Variants in ADAMTSL1 observed in about 807,000 individuals in gnomAD.
ADAMTSL1 encodes the protein ADAMTS like 1.
ADAMTSL1 carries 126 observed loss-of-function variants against 201.8 expected under a neutral mutation model. The observed-to-expected ratio is 0.62, with a 90% CI of 0.54 to 0.72. The LOEUF is 0.72. Among genes scored for constraint, ADAMTSL1 ranks in the 30% least tolerant of loss-of-function variants. The pLI, the probability that ADAMTSL1 is intolerant of heterozygous loss-of-function variation, is 0.00. For synonymous variants in ADAMTSL1, 1,121 were observed against 903.4 expected (o/e 1.24, Z -4.32); for missense variants, 2,679 against 2,277.8 (o/e 1.18, Z -3.59).
chr9:18,223,187 T>A (rs1391078912), intron 2 of ADAMTSL1, among the ~76,000 whole-genome samples: 1 of 152,126 alleles, frequency 6.6e-6, no homozygotes, highest in African/African-American at 2.4e-5. Context: ...AAACCCAACA[T>A]TCTAAATGCC....
intron 1 of ADAMTSL1, among the ~76,000 whole-genome samples, chr9:18,114,687 G>C (rs1427091641): frequency 6.6e-6 from 1 of 152,112 alleles, no homozygotes; most frequent in African/African-American, 2.4e-5. Context: ...AACAAAAGAA[G>C]ATTCATGTTA....
At position 18,594,672 on chromosome 9, in the gene ADAMTSL1, T is replaced by G. The variant is rs118125567; in HGVS notation, c.474+20406T>G. Among the ~76,000 whole-genome samples the G allele has an allele frequency of 4.2e-3, 644 of 152,366 alleles. 2 individuals are homozygous for G. Among genetic ancestry groups the G allele is most frequent in the East Asian group, 0.019 (99 of 5,192 alleles). ...CAAGGTTGATTTTTAAAAATTATTT[T>G]AATTTCTCTATTTAATTTCTCTGAT... On this transcript the variant is annotated intron_variant, in intron 4 of 28. Transcript: ENST00000380548.
intron 2 of ADAMTSL1, among the ~76,000 whole-genome samples, chr9:18,311,610 T>G (rs544721775): frequency 6.6e-6 from 1 of 152,160 alleles, no homozygotes; most frequent in East Asian, 1.9e-4. Flanking sequence ...GCCTCAAGTC[T>G]CAGGAAGGCT....
At chr9:18,669,359 C>T (rs539948195) in intron 9 of ADAMTSL1, among the ~76,000 whole-genome samples, 1 of 152,206 alleles carries the variant, frequency 6.6e-6, no homozygotes, top group Non-Finnish European at 1.5e-5. Flanking sequence ...TTTAACCCCA[C>T]AAATGTAGAT....
chr9:18,313,457 TAG>T (rs1341240730), intron 2 of ADAMTSL1, among the ~76,000 whole-genome samples: 1 of 152,166 alleles, frequency 6.6e-6, no homozygotes, highest in Admixed American at 6.5e-5. Flanking sequence ...ATTAGAATCA[TAG>T]AGAGTTTTTA....
chr9:18,386,454 C>A (rs556182262), intron 2 of ADAMTSL1, among the ~76,000 whole-genome samples: 1 of 152,270 alleles, frequency 6.6e-6, no homozygotes, highest in Admixed American at 6.5e-5. Flanking sequence ...GTGTTCCCCA[C>A]AAATTTGCTA....
chr9:18,418,713 G>A (rs1403539390), intron 2 of ADAMTSL1, among the ~76,000 whole-genome samples: 2 of 152,140 alleles, frequency 1.3e-5, no homozygotes, highest in Non-Finnish European at 2.9e-5. Context: ...TAAATGGAAA[G>A]ACATACCTTA....
intron 2 of ADAMTSL1, among the ~76,000 whole-genome samples, chr9:18,532,313 C>T (rs1230945627): frequency 3.9e-5 from 6 of 152,018 alleles, no homozygotes; most frequent in Non-Finnish European, 8.8e-5. Context: ...TATGAAGAGC[C>T]TTACAAAAGT....
At chr9:18,038,579 T>C (rs1821303756) in intron 1 of ADAMTSL1, among the ~76,000 whole-genome samples, 1 of 152,190 alleles carries the variant, frequency 6.6e-6, no homozygotes, top group Non-Finnish European at 1.5e-5. Flanking sequence ...CCTAAAGGAT[T>C]TCAAAGGGTG....
intron 2 of ADAMTSL1, among the ~76,000 whole-genome samples, chr9:18,182,029 A>G (rs1198946804): frequency 6.6e-6 from 1 of 151,918 alleles, no homozygotes; most frequent in Non-Finnish European, 1.5e-5. Flanking sequence ...TCAGTAAACT[A>G]TTGCAAGAAC....
chr9:18,178,019 G>A (rs1439943267), intron 2 of ADAMTSL1, among the ~76,000 whole-genome samples: 3 of 152,208 alleles, frequency 2.0e-5, no homozygotes, highest in African/African-American at 7.2e-5. Flanking sequence ...GTCGGGAAGA[G>A]GAGCCCAGAT....
chr9:18,662,053 C>A lies in ADAMTSL1; in HGVS notation c.1065C>A (p.Asn355Lys). ...CCAAACCCAAGCTTCAGGAGTGCAACTTGGATCCTTGTCCAGCCAGGTCAG... is the reference window on the plus strand; with the variant it reads ...CCAAACCCAAGCTTCAGGAGTGCAAATTGGATCCTTGTCCAGCCAGGTCAG... ...IKPKPKLQEC[N>K]LDPCPASDGY... The change falls in exon 9 of 29, where the codon AAC (asparagine) becomes AAA (lysine). Residue 355 changes from asparagine to lysine, a missense_variant. Physicochemically the swap from Asn to Lys is moderately conservative, Grantham distance 94 (BLOSUM62 0). Coordinates refer to ENST00000380548, the MANE Select transcript of ADAMTSL1 (RefSeq NM_001040272.6). The A allele has an allele frequency of 1.2e-6, 2 of 1,613,892 alleles. No homozygotes were observed. Among genetic ancestry groups the A allele is most frequent in the Non-Finnish European group, 1.7e-6 (2 of 1,179,852 alleles).
chr9:18,474,881 A>G (rs1339664103), intron 1 of ADAMTSL1, among the ~76,000 whole-genome samples: 1 of 152,144 alleles, frequency 6.6e-6, no homozygotes, highest in Non-Finnish European at 1.5e-5. Flanking sequence ...TTTGATCTCA[A>G]ATTTACTTTT....
At chr9:18,800,606 T>C (rs1822733876) in intron 20 of ADAMTSL1, among the ~76,000 whole-genome samples, 1 of 151,436 alleles carries the variant, frequency 6.6e-6, no homozygotes, top group South Asian at 2.1e-4. Flanking sequence ...CTGATGAGAG[T>C]ATAGCAGGAG....
chr9:18,183,765 A>G (rs1443705513), intron 2 of ADAMTSL1, among the ~76,000 whole-genome samples: 1 of 152,212 alleles, frequency 6.6e-6, no homozygotes, highest in Non-Finnish European at 1.5e-5. Flanking sequence ...AAAAAAGAAT[A>G]AACCAGTCTT....
intron 1 of ADAMTSL1, among the ~76,000 whole-genome samples, chr9:18,153,031 C>A (rs1826987403): frequency 7.5e-6 from 1 of 133,172 alleles, no homozygotes; most frequent in African/African-American, 2.7e-5. Context: ...TGTTTATGAT[C>A]TCTTCAGCAT....
At chr9:18,482,058 T>C (rs1821755894) in intron 1 of ADAMTSL1, among the ~76,000 whole-genome samples, 1 of 152,226 alleles carries the variant, frequency 6.6e-6, no homozygotes, top group Non-Finnish European at 1.5e-5. Context: ...CTATATGAGG[T>C]TGTATCTCCC....
intron 1 of ADAMTSL1, among the ~76,000 whole-genome samples, chr9:18,029,022 A>G (rs935355245): frequency 6.6e-6 from 1 of 152,146 alleles, no homozygotes; most frequent in Admixed American, 6.5e-5. Context: ...TCTTTGAAGC[A>G]ATTGTGAATG....
intron 2 of ADAMTSL1, among the ~76,000 whole-genome samples, chr9:18,306,386 C>T (rs1833909313): frequency 6.6e-6 from 1 of 152,098 alleles, no homozygotes; most frequent in African/African-American, 2.4e-5. Context: ...TGGATAATAA[C>T]AAACTCCTCC....
Sources: allele counts gnomAD v4.1 joint callset (sites outside exome capture counted in the v4.1 genomes callset), GRCh38; gene constraint gnomAD v4.1.1; transcripts MANE v1.5; gene names NCBI Gene and HGNC (gene_info 2026-07-23, HGNC 2026-07-21).